Variants in TNFAIP2 observed in about 807,000 individuals in gnomAD.
The protein encoded by TNFAIP2 is TNF alpha induced protein 2.
TNFAIP2 carries 47 observed loss-of-function variants against 63.5 expected under a neutral mutation model. That is an observed-to-expected ratio of 0.74 (90% confidence interval 0.59 to 0.94). TNFAIP2 has a LOEUF of 0.94. Ranked by LOEUF, TNFAIP2 falls within the 40% of genes least tolerant of loss-of-function variation. The pLI, the probability that TNFAIP2 is intolerant of heterozygous loss-of-function variation, is 0.00. For synonymous variants in TNFAIP2, 405 were observed against 390.2 expected (o/e 1.04, Z -0.45); for missense variants, 787 against 850.2 (o/e 0.93, Z 0.92).
chr14:103,126,340 G>A lies in TNFAIP2; in HGVS notation c.-118G>A. The stretch of plus-strand genomic sequence containing the variant: ...TGCAGGCCTGAACCAGGGTGATGCT[G>A]AAGATGATGACCTTCTTCCAAGGCC... On this transcript the variant is annotated 5_prime_UTR_variant, in exon 2 of 12. Coordinates refer to ENST00000560869, the MANE Select transcript of TNFAIP2 (RefSeq NM_006291.4). 4 of 710,250 alleles carry A rather than the reference G, an allele frequency of 5.6e-6. No individual in the cohort carries two copies. The highest frequency in any genetic ancestry group is 9.4e-6 in the Non-Finnish European group (4 of 426,276). The allele number at this position is 710,250 out of a possible 1,614,324, so 44.0% of individuals were successfully genotyped here.
rs1335394889 is a variant in TNFAIP2 at position 103,127,183 on chromosome 14, C to A, written c.414C>A (p.Gly138=). Residue 138 remains glycine, a synonymous_variant, in exon 3 of 12, where the codon GGC becomes GGA. Transcript: ENST00000560869. This position sits in a 1 kb window ranked among gnomAD's most constrained non-coding sequence, Gnocchi z 5.1. ...AGCTGCTGCGCGACCAGGTGCTGGG[C>A]GTGCTGCGGCGGCCGCTGGAGGCGC... ...LYELLRDQVL[G]VLRRPLEAPP... The A allele has an allele frequency of 4.4e-6, 5 of 1,126,922 alleles. No individual in the cohort carries two copies. Among genetic ancestry groups the A allele is most frequent in the South Asian group, 2.4e-5 (1 of 41,832 alleles). The allele number at this position is 1,126,922 out of a possible 1,614,324, so 69.8% of individuals were successfully genotyped here.
At chr14:103,132,496 C>T (rs1045258766) in intron 8 of TNFAIP2, among the ~76,000 whole-genome samples, 7 of 152,174 alleles carry the variant, frequency 4.6e-5, no homozygotes, top group South Asian at 2.1e-4. Flanking sequence ...GCCTCCGGGC[C>T]GGCAGACAGG....
chr14:103,130,677 G>A (rs1308988261), intron 6 of TNFAIP2, among the ~76,000 whole-genome samples: 1 of 152,162 alleles, frequency 6.6e-6, no homozygotes, highest in Non-Finnish European at 1.5e-5. Context: ...CTTCAAAGAG[G>A]ATACCCCAGG....
chr14:103,135,740 G>C lies in TNFAIP2; in HGVS notation c.*380G>C. 7.9e-7 allele frequency: 1 copy of C among 1,261,506 alleles called. No individual in the cohort carries two copies. The highest frequency in any genetic ancestry group is 1.0e-6 in the Non-Finnish European group (1 of 979,352). The allele number at this position is 1,261,506 out of a possible 1,614,324, so 78.1% of individuals were successfully genotyped here. On this transcript the variant is annotated 3_prime_UTR_variant, in exon 12 of 12. Coordinates refer to ENST00000560869, the MANE Select transcript of TNFAIP2 (RefSeq NM_006291.4). This position sits in a 1 kb window ranked among gnomAD's most constrained non-coding sequence, Gnocchi z 7.6. ...CGGCCTCATGACTGTCCTCCTCGTG[G>C]GTGGGGCCGAGGGCCCTCTTCAGCT...
Position 103,126,837 on chromosome 14 carries a change from G to T in TNFAIP2, c.235+145G>T, listed in dbSNP as rs1185735917. The T allele has an allele frequency of 2.3e-6, 3 of 1,331,916 alleles. No individual in the cohort carries two copies. The East Asian group carries it at 7.6e-5, about 34-fold the overall frequency. The allele number at this position is 1,331,916 out of a possible 1,614,324, so 82.5% of individuals were successfully genotyped here. A position where few individuals can be genotyped will look rare whatever the true frequency, so the allele number is the denominator to read the frequency against. ...CCTGCTTTCACCTGTGCCGCAATCT[G>T]GGGGGCTGGGAGGCCTTCAGCCTAG... On this transcript the variant is annotated intron_variant, in intron 2 of 11. Transcript: ENST00000560869.
rs115047971 is a variant in TNFAIP2 at position 103,137,143 on chromosome 14, A to C, written c.*1783A>C. 2,768 of 152,294 alleles carry C rather than the reference A, an allele frequency of 0.018. 84 individuals are homozygous for C. Among genetic ancestry groups the C allele is most frequent in the African/African-American group, 0.064 (2,640 of 41,540 alleles). 9.4% of individuals were successfully genotyped at this position (152,294 alleles called of 1,614,324 possible). On this transcript the variant is annotated 3_prime_UTR_variant, in exon 12 of 12. Transcript: ENST00000560869. ...GGCCTGAAAGTTCCTTCTCAGCCTGAGAGGGGGCCCTTCGGACTCAGGCAT... is the reference window on the plus strand; with the variant it reads ...GGCCTGAAAGTTCCTTCTCAGCCTGCGAGGGGGCCCTTCGGACTCAGGCAT...
Position 103,130,073 on chromosome 14 carries a change from C to T in TNFAIP2, c.1047C>T (p.Pro349=). Residue 349 remains proline, a synonymous_variant, in exon 5 of 12, where the codon CCC becomes CCT. Coordinates refer to ENST00000560869, the MANE Select transcript of TNFAIP2 (RefSeq NM_006291.4). ...EARRWAEDVP[P]QRLDGHCHSE... is the part of the protein sequence containing the mutation. ...GGCGCTGGGCTGAGGATGTGCCTCC[C>T]CAGAGGCTGGACGGCCACTGCCACA... The T allele has an allele frequency of 5.0e-6, 8 of 1,613,448 alleles. No homozygotes were observed. Among genetic ancestry groups the T allele is most frequent in the Non-Finnish European group, 6.8e-6 (8 of 1,179,894 alleles).
At chr14:103,133,898 A>T in intron 11 of TNFAIP2, 95 bp downstream of exon 11, 2 of 1,454,244 alleles carry the variant, frequency 1.4e-6, no homozygotes, top group Non-Finnish European at 1.8e-6. Flanking sequence ...GCAGCTGCCC[A>T]CGTGCCAGTC....
At chr14:103,130,646 T>G (rs1389193681) in intron 6 of TNFAIP2, among the ~76,000 whole-genome samples, 2 of 152,062 alleles carry the variant, frequency 1.3e-5, no homozygotes, top group Non-Finnish European at 2.9e-5. Flanking sequence ...TCAGCAAAGC[T>G]CTCAGCAGAG....
At chr14:103,132,704 C>T in intron 8 of TNFAIP2, 46 bp from the exon 9 acceptor site, 1 of 1,595,990 alleles carries the variant, frequency 6.3e-7, no homozygotes, top group East Asian at 2.3e-5. Context: ...GCTGGCAGCC[C>T]TTCCTCTCCA....
At chr14:103,129,611 T>G (rs1374984387) in intron 3 of TNFAIP2, 129 bp from the exon 4 acceptor site, 5 of 715,622 alleles carry the variant, frequency 7.0e-6, no homozygotes, top group Non-Finnish European at 9.6e-6. Context: ...GGGGACCGGG[T>G]GGGGGTGCGG....
At chr14:103,122,999 C>T, upstream of TNFAIP2, 1 of 349,754 alleles carries the variant, frequency 2.9e-6, no homozygotes, top group Non-Finnish European at 5.7e-6. Context: ...GCCCCCGTCC[C>T]CTGCCTCCTT....
In TNFAIP2 at chr14:103,135,731, C is replaced by T; in HGVS notation, c.*371C>T. The T allele has an allele frequency of 8.0e-7, 1 of 1,257,300 alleles. No individual in the cohort carries two copies. The highest frequency in any genetic ancestry group is 1.0e-6 in the Non-Finnish European group (1 of 978,460). The allele number at this position is 1,257,300 out of a possible 1,614,324, so 77.9% of individuals were successfully genotyped here. ...CTCCACAGTCGGCCTCATGACTGTCCTCCTCGTGGGTGGGGCCGAGGGCCC... is the reference window on the plus strand; with the variant it reads ...CTCCACAGTCGGCCTCATGACTGTCTTCCTCGTGGGTGGGGCCGAGGGCCC... On this transcript the variant is annotated 3_prime_UTR_variant, in exon 12 of 12. Transcript: ENST00000560869. The surrounding 1 kb of genome is among the most constrained non-coding windows in gnomAD (Gnocchi z 7.6).
At position 103,137,427 on chromosome 14, in the gene TNFAIP2, G is replaced by T. The variant is rs966826119; in HGVS notation, c.*2067G>T. 6.6e-6 allele frequency: 1 copy of T among 152,224 alleles called. No homozygotes were observed. Among genetic ancestry groups the T allele is most frequent in the Non-Finnish European group, 1.5e-5 (1 of 68,042 alleles). The allele number at this position is 152,224 out of a possible 1,614,324, so 9.4% of individuals were successfully genotyped here. On this transcript the variant is annotated 3_prime_UTR_variant, in exon 12 of 12. Transcript: ENST00000560869. ...GGTTTTTATAGCTTGATATAAAACAGAATTCAAAAGTGGCTGTGGAGTGAT... is the reference window on the plus strand; with the variant it reads ...GGTTTTTATAGCTTGATATAAAACATAATTCAAAAGTGGCTGTGGAGTGAT...
In TNFAIP2 at chr14:103,127,799, G is replaced by A. The variant is rs2087893356; in HGVS notation, c.860+170G>A. On this transcript the variant is annotated intron_variant, in intron 3 of 11. Coordinates refer to ENST00000560869, the MANE Select transcript of TNFAIP2 (RefSeq NM_006291.4). This position sits in a 1 kb window ranked among gnomAD's most constrained non-coding sequence, Gnocchi z 5.1. Reference sequence around the variant, plus strand: ...ACTTGGACTCCCTGGGGCAGAGCCTGGACAGGCAGAGACTGGGCCTGGACA... The same window carrying A: ...ACTTGGACTCCCTGGGGCAGAGCCTAGACAGGCAGAGACTGGGCCTGGACA... 6.6e-6 allele frequency among the ~76,000 whole-genome samples: 1 copy of A among 152,210 alleles called. No homozygotes were observed. Among genetic ancestry groups the A allele is most frequent in the South Asian group, 2.1e-4 (1 of 4,836 alleles).
intron 11 of TNFAIP2, among the ~76,000 whole-genome samples, chr14:103,134,918 CAAG>C (rs1309254111): frequency 1.3e-5 from 2 of 152,224 alleles, no homozygotes; most frequent in Non-Finnish European, 2.9e-5. Flanking sequence ...ACTTTAGAGA[CAAG>C]AAAGCCTTTT....
chr14:103,127,513 C>A lies in TNFAIP2; in HGVS notation c.744C>A (p.Ala248=). Residue 248 remains alanine, a synonymous_variant, in exon 3 of 12, where the codon GCC becomes GCA. Coordinates refer to ENST00000560869, the MANE Select transcript of TNFAIP2 (RefSeq NM_006291.4). This position sits in a 1 kb window ranked among gnomAD's most constrained non-coding sequence, Gnocchi z 5.1. ...CCGCCGAGTTCGGCGTCGTGGCGGC[C>A]TACGCCGAGAGCTACCACCAGCACT... is the stretch of plus-strand genomic sequence containing the variant. ...LFPAEFGVVA[A]YAESYHQHFA... The A allele has an allele frequency of 6.3e-7, 1 of 1,589,972 alleles. No homozygotes were observed. The highest frequency in any genetic ancestry group is 8.5e-7 in the Non-Finnish European group (1 of 1,175,766).
Position 103,131,167 on chromosome 14 carries a change from G to T in TNFAIP2, c.1298+17G>T. 1 of 1,613,400 alleles carries T rather than the reference G, an allele frequency of 6.2e-7. No individual in the cohort carries two copies. The highest frequency in any genetic ancestry group is 1.1e-5 in the South Asian group (1 of 91,068). ...GTCCTTCCGGTGAGAGTGTTGGGAG[G>T]GGCTTGCGGGAGTGGGAGTCACTCA... On this transcript the variant is annotated intron_variant, in intron 7 of 11. Transcript: ENST00000560869. This position sits in a 1 kb window ranked among gnomAD's most constrained non-coding sequence, Gnocchi z 4.0.
intron 11 of TNFAIP2, among the ~76,000 whole-genome samples, chr14:103,134,801 C>T (rs8176396): frequency 0.038 from 5,787 of 152,266 alleles, 168 homozygotes; most frequent in African/African-American, 0.078. Flanking sequence ...TTAAGTAGCT[C>T]ATTCTGTTGA....
Sources: gnomAD v4.1 joint callset for allele counts (sites outside exome capture counted in the v4.1 genomes callset) on GRCh38, gnomAD v4.1.1 for gene constraint, Gnocchi (gnomAD v3.1) non-coding constraint, MANE v1.5 for transcripts, NCBI Gene and HGNC (gene_info 2026-07-23, HGNC 2026-07-21) for gene names.